Variants in STK31 observed in about 807,000 individuals in gnomAD.
The protein encoded by STK31 is serine/threonine kinase 31.
STK31 carries 89 observed loss-of-function variants against 129.7 expected under a neutral mutation model. The ratio of observed to expected loss-of-function variants is 0.69; its 90% CI spans 0.58 to 0.82. STK31 has a LOEUF of 0.82. STK31 is among the 40% of genes least tolerant of loss of function. STK31 has a pLI of 0.00. For synonymous variants in STK31, 448 were observed against 395.3 expected (o/e 1.13, Z -1.58); for missense variants, 1,187 against 1,176.4 (o/e 1.01, Z -0.13).
At chr7:23,786,230 T>C (rs1791276083) in intron 18 of STK31, among the ~76,000 whole-genome samples, 1 of 152,012 alleles carries the variant, frequency 6.6e-6, no homozygotes, top group Admixed American at 6.6e-5. Context: ...AATTTCTTCT[T>C]CTCATTGATC....
At chr7:23,808,858 A>G (rs186441755) in intron 22 of STK31, among the ~76,000 whole-genome samples, 4 of 151,916 alleles carry the variant, frequency 2.6e-5, no homozygotes, top group East Asian at 3.9e-4. Context: ...GGAATAGGGT[A>G]TATTACCTAT....
At chr7:23,773,732 T>A (rs1420275368) in intron 15 of STK31, among the ~76,000 whole-genome samples, 1 of 89,456 alleles carries the variant, frequency 1.1e-5, no homozygotes, top group Non-Finnish European at 2.4e-5. Context: ...TGTGTGTGTG[T>A]GAGTGTGTGT....
intron 6 of STK31, among the ~76,000 whole-genome samples, chr7:23,733,193 TG>T (rs1185514447): frequency 1.3e-5 from 2 of 152,136 alleles, no homozygotes; most frequent in East Asian, 3.9e-4. Flanking sequence ...TTTTATGCCT[TG>T]AAAAATTTAT....
intron 22 of STK31, among the ~76,000 whole-genome samples, chr7:23,806,493 A>G (rs1315798723): frequency 6.6e-6 from 1 of 152,204 alleles, no homozygotes; most frequent in Non-Finnish European, 1.5e-5. Context: ...ATGGAGAGAA[A>G]GGAACATGGG....
At chr7:23,811,711 C>A in intron 22 of STK31, 1 of 153,904 alleles carries the variant, frequency 6.5e-6, no homozygotes. Context: ...GTTGGAAAGG[C>A]ACTCCAGGGA....
intron 23 of STK31, among the ~76,000 whole-genome samples, chr7:23,819,506 C>A (rs527911371): frequency 1.8e-4 from 28 of 152,152 alleles, no homozygotes; most frequent in Admixed American, 1.8e-3. Context: ...CCTCTGCCTC[C>A]CAGGTTCAAG....
intron 8 of STK31, among the ~76,000 whole-genome samples, chr7:23,748,458 G>A (rs1584377148): frequency 6.6e-6 from 1 of 152,154 alleles, no homozygotes; most frequent in Non-Finnish European, 1.5e-5. Flanking sequence ...TTGAACATGA[G>A]TTTGAACTAC....
Position 23,752,337 on chromosome 7 carries a change from A to ATTT in STK31, c.1018-378_1018-377insTTT, listed in dbSNP as rs1788760683. On this transcript the variant is annotated intron_variant, in intron 8 of 23. Transcript: ENST00000355870. ...CAGCAGCTAGATTCTATTATATTTT[A>ATTT]TTCAAATTTGGAATTTTTTTTTTTT... Among the ~76,000 whole-genome samples the ATTT allele has an allele frequency of 2.1e-5, 3 of 146,164 alleles. No individual in the cohort carries two copies. In the South Asian group the frequency reaches 6.6e-4, roughly 32 times the overall value.
Position 23,727,902 on chromosome 7 carries a change from T to C in STK31, c.324+587T>C, listed in dbSNP as rs996690622. On this transcript the variant is annotated intron_variant, in intron 5 of 23. Transcript: ENST00000355870. ...ATTATATTTGGTTCTTGAGTAACTT[T>C]TAAATGTTCATTTTATTAAGCTTTA... is the stretch of plus-strand genomic sequence containing the variant. Among the ~76,000 whole-genome samples the C allele has an allele frequency of 2.0e-5, 3 of 152,160 alleles. No individual in the cohort carries two copies. In the East Asian group the frequency reaches 5.8e-4, roughly 29 times the overall value.
chr7:23,754,524 G>A lies in STK31; in HGVS notation c.1293+50G>A, dbSNP rs747672486. The A allele has an allele frequency of 1.1e-5, 16 of 1,511,570 alleles. No homozygotes were observed. In the South Asian group the frequency reaches 2.1e-4, roughly 20 times the overall value. 93.6% of individuals were successfully genotyped at this position (1,511,570 alleles called of 1,614,324 possible). A position where few individuals can be genotyped will look rare whatever the true frequency, so the allele number is the denominator to read the frequency against. ...GTGGTTTTTATCTGTTGAACATAAGGAAGTGTTTTTTTAATTTCTTCTAAA... is the reference window on the plus strand; with the variant it reads ...GTGGTTTTTATCTGTTGAACATAAGAAAGTGTTTTTTTAATTTCTTCTAAA... On this transcript the variant is annotated intron_variant, in intron 10 of 23. Coordinates refer to ENST00000355870, the MANE Select transcript of STK31 (RefSeq NM_031414.5).
chr7:23,712,098 G>C lies in STK31; in HGVS notation c.51-1G>C, dbSNP rs1786002483. On this transcript the variant is annotated splice_acceptor_variant, in intron 1 of 23. Coordinates refer to ENST00000355870, the MANE Select transcript of STK31 (RefSeq NM_031414.5). LOFTEE classifies it high-confidence loss of function. ...TAATCTAATTTAAGGTATTGTTCTAGTTTTTCAGGAATTGTTCAAATGGAT... is the reference window on the plus strand; with the variant it reads ...TAATCTAATTTAAGGTATTGTTCTACTTTTTCAGGAATTGTTCAAATGGAT... The C allele has an allele frequency of 6.2e-7, 1 of 1,606,238 alleles. No homozygotes were observed. Among genetic ancestry groups the C allele is most frequent in the Non-Finnish European group, 8.5e-7 (1 of 1,173,448 alleles).
chr7:23,720,376 A>T (rs1337639409), intron 4 of STK31, among the ~76,000 whole-genome samples: 6 of 152,168 alleles, frequency 3.9e-5, no homozygotes, highest in Admixed American at 3.3e-4. Context: ...GCTAAAGTGC[A>T]TCTGGGATCA....
At chr7:23,810,743 ATAG>A (rs1312434705) in intron 22 of STK31, among the ~76,000 whole-genome samples, 2 of 134,080 alleles carry the variant, frequency 1.5e-5, no homozygotes, top group African/African-American at 2.8e-5. Context: ...TATATATAAA[ATAG>A]ATATATATAA....
chr7:23,808,610 C>G (rs1248625157), intron 22 of STK31, among the ~76,000 whole-genome samples: 2 of 152,082 alleles, frequency 1.3e-5, no homozygotes, highest in Non-Finnish European at 2.9e-5. Flanking sequence ...GACAGTATCC[C>G]AGACTGTAGA....
At chr7:23,789,968 A>G (rs1791516637) in intron 21 of STK31, among the ~76,000 whole-genome samples, 1 of 152,156 alleles carries the variant, frequency 6.6e-6, no homozygotes, top group African/African-American at 2.4e-5. Flanking sequence ...TCTGAGGTCA[A>G]GATCATTGCT....
At chr7:23,720,121 G>A (rs1397342346) in intron 4 of STK31, among the ~76,000 whole-genome samples, 5 of 152,098 alleles carry the variant, frequency 3.3e-5, no homozygotes, top group African/African-American at 4.8e-5. Flanking sequence ...GATGGTTTAC[G>A]TGTGTGATAT....
chr7:23,736,497 C>T (rs971792852), intron 7 of STK31, among the ~76,000 whole-genome samples: 1 of 133,970 alleles, frequency 7.5e-6, no homozygotes, highest in African/African-American at 2.9e-5. Flanking sequence ...GATGGGATCT[C>T]ATCAGTGCTT....
At chr7:23,716,815 T>TC (rs1386542962) in intron 3 of STK31, among the ~76,000 whole-genome samples, 2 of 131,798 alleles carry the variant, frequency 1.5e-5, no homozygotes, top group Non-Finnish European at 3.2e-5. Context: ...TTTTTTTTTT[T>TC]CAAGACAGGG....
At chr7:23,828,977 G>GC (rs1489600314) in intron 23 of STK31, among the ~76,000 whole-genome samples, 2 of 151,760 alleles carry the variant, frequency 1.3e-5, no homozygotes, top group African/African-American at 4.8e-5. Context: ...TCAGCGCGCT[G>GC]CAACCTCCAC....
Sources: allele counts gnomAD v4.1 joint callset (sites outside exome capture counted in the v4.1 genomes callset), GRCh38; gene constraint gnomAD v4.1.1; transcripts MANE v1.5; gene names NCBI Gene and HGNC (gene_info 2026-07-23, HGNC 2026-07-21).